Variants in ZNF420 observed in about 807,000 individuals in gnomAD.
ZNF420 encodes zinc finger protein 420.
Under a neutral mutation model 44.7 loss-of-function variants are expected in ZNF420, and 31 were observed. That is an observed-to-expected ratio of 0.69 (90% CI 0.52 to 0.94). The LOEUF is 0.94. ZNF420 is among the 40% of genes least tolerant of loss of function. The pLI, the probability that ZNF420 is intolerant of heterozygous loss-of-function variation, is 0.00. For synonymous variants in ZNF420, 245 were observed against 267.4 expected (o/e 0.92, Z 0.82); for missense variants, 681 against 827.9 (o/e 0.82, Z 2.18).
chr19:37,030,981 A>C (rs1347401186), intron 1 of ZNF420, among the ~76,000 whole-genome samples: 2 of 152,012 alleles, frequency 1.3e-5, no homozygotes, highest in Non-Finnish European at 2.9e-5. Context: ...TAGCCTCCCA[A>C]GTAGCTGGGA....
intron 2 of ZNF420, among the ~76,000 whole-genome samples, chr19:37,088,069 C>T (rs1441525999): frequency 6.6e-6 from 1 of 152,216 alleles, no homozygotes; most frequent in African/African-American, 2.4e-5. Context: ...AACTCTTCAG[C>T]TCTGCTGCTG....
chr19:37,124,544 G>A (rs1410005084), intron 4 of ZNF420, among the ~76,000 whole-genome samples: 2 of 152,122 alleles, frequency 1.3e-5, no homozygotes, highest in Middle Eastern at 3.2e-3. Context: ...TAGTTACAGT[G>A]TTTTGCACTC....
Position 37,091,061 on chromosome 19 carries a change from G to A in ZNF420, c.76G>A (p.Ala26Thr). 6.2e-7 allele frequency: 1 copy of A among 1,613,184 alleles called. No homozygotes were observed. Among genetic ancestry groups the A allele is most frequent in the Non-Finnish European group, 8.5e-7 (1 of 1,179,726 alleles). Residue 26 changes from alanine to threonine, a missense_variant, in exon 4 of 5, where the codon GCT becomes ACT. Coordinates refer to ENST00000337995, the MANE Select transcript of ZNF420 (RefSeq NM_144689.5). Reference sequence around the variant, plus strand: ...GGAAGAGTGGGAATGCCTGGACTCTGCTCAGAGAGATTTGTATAGAGATGT... The same window carrying A: ...GGAAGAGTGGGAATGCCTGGACTCTACTCAGAGAGATTTGTATAGAGATGT... ...SQEEWECLDS[A>T]QRDLYRDVML... is the part of the protein sequence containing the mutation.
At chr19:37,030,564 C>T (rs775121906) in intron 1 of ZNF420, among the ~76,000 whole-genome samples, 1 of 152,150 alleles carries the variant, frequency 6.6e-6, no homozygotes, top group Non-Finnish European at 1.5e-5. Flanking sequence ...GGTATAATGC[C>T]CTCCAGGCTC....
intron 1 of ZNF420, among the ~76,000 whole-genome samples, chr19:37,073,315 C>T (rs1229198468): frequency 2.0e-5 from 3 of 152,178 alleles, no homozygotes; most frequent in African/African-American, 7.2e-5. Flanking sequence ...ACATTCTGCT[C>T]CCTGTGTACT....
chr19:37,125,654 G>A (rs551389130), intron 4 of ZNF420, among the ~76,000 whole-genome samples: 2 of 152,228 alleles, frequency 1.3e-5, no homozygotes, highest in Admixed American at 6.5e-5. Context: ...TTTATTGAGT[G>A]CTTTCATTAC....
intron 4 of ZNF420, among the ~76,000 whole-genome samples, chr19:37,115,530 A>G (rs1017601498): frequency 6.6e-6 from 1 of 151,966 alleles, no homozygotes; most frequent in Non-Finnish European, 1.5e-5. Flanking sequence ...CATGTATACA[A>G]ACATCTCGGT....
At chr19:37,021,805 C>T (rs776367016) in intron 1 of ZNF420, among the ~76,000 whole-genome samples, 37 of 151,446 alleles carry the variant, frequency 2.4e-4, no homozygotes, top group Non-Finnish European at 4.6e-4. Flanking sequence ...GGCATGGTGG[C>T]GTACACCTGT....
chr19:37,015,611 G>A (rs1031127729), intron 1 of ZNF420, among the ~76,000 whole-genome samples: 2 of 152,162 alleles, frequency 1.3e-5, no homozygotes, highest in African/African-American at 2.4e-5. Flanking sequence ...TGAGACAGGG[G>A]TGAGGATACA....
At chr19:37,058,353 G>C (rs929528283) in intron 1 of ZNF420, among the ~76,000 whole-genome samples, 1 of 152,088 alleles carries the variant, frequency 6.6e-6, no homozygotes, top group Non-Finnish European at 1.5e-5. Flanking sequence ...GCTGGCCTTG[G>C]CGTCTAGGAA....
intron 3 of ZNF420, among the ~76,000 whole-genome samples, chr19:37,090,364 G>A (rs993286700): frequency 7.1e-6 from 1 of 141,602 alleles, no homozygotes; most frequent in African/African-American, 2.5e-5. Context: ...GGGCACAGTG[G>A]CATGTACTGT....
At chr19:37,043,194 T>C (rs1967489077) in intron 1 of ZNF420, among the ~76,000 whole-genome samples, 1 of 152,194 alleles carries the variant, frequency 6.6e-6, no homozygotes, top group African/African-American at 2.4e-5. Flanking sequence ...GAGCACATGA[T>C]GATAGAAACG....
intron 1 of ZNF420, among the ~76,000 whole-genome samples, chr19:37,016,309 T>C (rs2074608176): frequency 6.6e-6 from 1 of 152,206 alleles, no homozygotes; most frequent in Admixed American, 6.5e-5. Context: ...CATTGGCTGT[T>C]AGGAATTTCA....
At chr19:37,028,908 C>A (rs1336499989) in intron 1 of ZNF420, among the ~76,000 whole-genome samples, 2 of 147,968 alleles carry the variant, frequency 1.4e-5, no homozygotes, top group African/African-American at 5.0e-5. Flanking sequence ...AATATCTTTT[C>A]ATAATAGAAA....
chr19:37,030,373 G>A (rs1967236029), intron 1 of ZNF420, among the ~76,000 whole-genome samples: 1 of 152,212 alleles, frequency 6.6e-6, no homozygotes, highest in South Asian at 2.1e-4. Flanking sequence ...GTGTTAGCCA[G>A]GCTGGTCTTG....
intron 1 of ZNF420, among the ~76,000 whole-genome samples, chr19:37,063,273 C>T (rs1386488291): frequency 6.6e-6 from 1 of 151,994 alleles, no homozygotes; most frequent in Non-Finnish European, 1.5e-5. Context: ...TGTGAGAAAA[C>T]CCAATTCCCC....
At chr19:37,044,659 A>G (rs1967513377) in intron 1 of ZNF420, among the ~76,000 whole-genome samples, 1 of 152,058 alleles carries the variant, frequency 6.6e-6, no homozygotes, top group Non-Finnish European at 1.5e-5. Flanking sequence ...TGAGGTCAGG[A>G]GTTCGAGACC....
intron 1 of ZNF420, among the ~76,000 whole-genome samples, chr19:37,017,622 A>AT (rs56947950): frequency 1.3e-5 from 2 of 152,196 alleles, no homozygotes; most frequent in Non-Finnish European, 2.9e-5. Context: ...ACCATTCATG[A>AT]TTTTTTAAAA....
intron 1 of ZNF420, among the ~76,000 whole-genome samples, chr19:37,067,293 T>C (rs1017892813): frequency 6.6e-6 from 1 of 152,226 alleles, no homozygotes; most frequent in South Asian, 2.1e-4. Context: ...TTTTACTGTA[T>C]GTACATTTTA....
Sources: allele counts gnomAD v4.1 joint callset (sites outside exome capture counted in the v4.1 genomes callset), GRCh38; gene constraint gnomAD v4.1.1; transcripts MANE v1.5; gene names NCBI Gene and HGNC (gene_info 2026-07-23, HGNC 2026-07-21).